HTR2C: variants seen among roughly 807,000 people sequenced by gnomAD.
HTR2C encodes 5-hydroxytryptamine (serotonin) receptor 2C, G protein-coupled.
HTR2C carries 5 observed loss-of-function variants against 21.0 expected under a neutral mutation model. The observed-to-expected ratio is 0.24, with a 90% confidence interval of 0.12 to 0.50. The LOEUF (loss-of-function observed/expected upper bound fraction) is 0.50. HTR2C is among the 20% of genes least tolerant of loss of function. The pLI, the probability that HTR2C is intolerant of heterozygous loss-of-function variation, is 0.98. For synonymous variants in HTR2C, 150 were observed against 145.3 expected (o/e 1.03, Z -0.23); for missense variants, 271 against 371.2 (o/e 0.73, Z 2.22).
intron 4 of HTR2C, among the ~76,000 whole-genome samples, chrX:114,802,491 A>AT (rs2070355612): frequency 9.0e-6 from 1 of 110,913 alleles, no homozygotes; most frequent in Non-Finnish European, 1.9e-5. Context: ...GAGTTTTACA[A>AT]TTTTTTCTCA....
At chrX:114,653,013 T>G (rs1930644114) in intron 2 of HTR2C, among the ~76,000 whole-genome samples, 1 of 108,105 alleles carries the variant, frequency 9.3e-6, no homozygotes, top group Non-Finnish European at 1.9e-5. Context: ...GTCAATAAAC[T>G]AAAACAAGAA....
chrX:114,670,394 C>CAAAAAAAAAAAA (rs35858180), intron 2 of HTR2C, among the ~76,000 whole-genome samples: 1 of 63,530 alleles, frequency 1.6e-5, no homozygotes, highest in African/African-American at 6.1e-5. Context: ...TACTCTGTCT[C>CAAAAAAAAAAAA]AAAAAAAAAA....
chrX:114,669,139 T>C (rs1167600263), intron 2 of HTR2C, among the ~76,000 whole-genome samples: 1 of 110,884 alleles, frequency 9.0e-6, no homozygotes, highest in African/African-American at 3.3e-5. Flanking sequence ...TCTTTTTCAT[T>C]GCATTTTCTA....
At chrX:114,853,513 A>G (rs1556469924) in intron 5 of HTR2C, among the ~76,000 whole-genome samples, 1 of 111,697 alleles carries the variant, frequency 9.0e-6, no homozygotes, top group African/African-American at 3.3e-5. Flanking sequence ...TTTGGAGTTT[A>G]TTCTTGTACG....
chrX:114,702,387 G>C (rs1311556348), intron 2 of HTR2C, among the ~76,000 whole-genome samples: 1 of 109,683 alleles, frequency 9.1e-6, no homozygotes, highest in African/African-American at 3.3e-5. Context: ...CAAGCCAGAA[G>C]AGAGTGGGGG....
intron 5 of HTR2C, among the ~76,000 whole-genome samples, chrX:114,902,221 G>A (rs952195764): frequency 2.1e-4 from 23 of 111,419 alleles, no homozygotes; most frequent in African/African-American, 6.5e-5. Context: ...TGATAATATC[G>A]CATGAATTAC....
intron 5 of HTR2C, among the ~76,000 whole-genome samples, chrX:114,895,226 C>A (rs933759900): frequency 9.0e-6 from 1 of 111,584 alleles, no homozygotes; most frequent in Non-Finnish European, 1.9e-5. Context: ...TGGAGTTATG[C>A]CATATTTAGA....
chrX:114,637,586 C>T (rs1215776944), intron 2 of HTR2C, among the ~76,000 whole-genome samples: 2 of 111,722 alleles, frequency 1.8e-5, no homozygotes, highest in Non-Finnish European at 3.8e-5. Context: ...TAAACCTCTA[C>T]TCATCGTGTA....
At chrX:114,855,746 CTTTTTTTTTTTTTTTTTTT>C (rs782183285) in intron 5 of HTR2C, among the ~76,000 whole-genome samples, 5 of 17,930 alleles carry the variant, frequency 2.8e-4, no homozygotes, top group South Asian at 8.3e-3. Flanking sequence ...AAGCAACCAT[CTTTTTTTTTTTTTTTTTTT>C]TTTTTTTTTT....
chrX:114,601,846 A>G (rs1465395993), intron 1 of HTR2C, among the ~76,000 whole-genome samples: 5 of 99,347 alleles, frequency 5.0e-5, no homozygotes, highest in African/African-American at 7.4e-5. Flanking sequence ...GGCTGCTTCA[A>G]GCAGGATTAG....
Position 114,695,396 on chromosome X carries a change from A to C in HTR2C, c.-79-31462A>C, listed in dbSNP as rs138492153. Among the ~76,000 whole-genome samples the C allele has an allele frequency of 6.8e-3, 755 of 111,801 alleles. 5 individuals carry two copies. The highest frequency in any genetic ancestry group is 0.023 in the Middle Eastern group (5 of 213). On this transcript the variant is annotated intron_variant, in intron 2 of 5. Coordinates refer to ENST00000276198, the MANE Select transcript of HTR2C (RefSeq NM_000868.4). ...GCATGAGTAGAGACAAGAAACAACA[A>C]ATAGGAAGAATGCTCTTTGGCTTTC...
intron 4 of HTR2C, among the ~76,000 whole-genome samples, chrX:114,734,089 G>A (rs906863100): frequency 9.0e-6 from 1 of 110,991 alleles, no homozygotes; most frequent in African/African-American, 3.3e-5. Context: ...AAAATTAACT[G>A]AATTCAGGAC....
intron 2 of HTR2C, among the ~76,000 whole-genome samples, chrX:114,676,793 A>C (rs1556412816): frequency 8.9e-6 from 1 of 112,069 alleles, no homozygotes; most frequent in Non-Finnish European, 1.9e-5. Context: ...TTAAATCTTT[A>C]GAAAACCATC....
In HTR2C at chrX:114,909,063, T is replaced by A. The variant is rs782511516; in HGVS notation, c.*1648T>A. 1 of 112,596 alleles carries A rather than the reference T, an allele frequency of 8.9e-6. No individual in the cohort carries two copies. Among genetic ancestry groups the A allele is most frequent in the East Asian group, 2.8e-4 (1 of 3,569 alleles). The allele number at this position is 112,596 out of a possible 1,213,427, so 9.3% of individuals were successfully genotyped here. ...CTGTGTTCTCAACACACAGTATAGA[T>A]AAATCCAATAGTCTGCCACAAGGGC... On this transcript the variant is annotated 3_prime_UTR_variant, in exon 6 of 6. Coordinates refer to ENST00000276198, the MANE Select transcript of HTR2C (RefSeq NM_000868.4).
chrX:114,655,847 T>G (rs1930761862), intron 2 of HTR2C, among the ~76,000 whole-genome samples: 1 of 111,545 alleles, frequency 9.0e-6, no homozygotes. Context: ...ACTTGCTGAA[T>G]CATGGCACAT....
At chrX:114,791,169 CATA>C (rs2070228554) in intron 4 of HTR2C, among the ~76,000 whole-genome samples, 1 of 112,699 alleles carries the variant, frequency 8.9e-6, no homozygotes, top group African/African-American at 3.2e-5. Flanking sequence ...TTACATAATA[CATA>C]ATAATAATTC....
intron 2 of HTR2C, among the ~76,000 whole-genome samples, chrX:114,644,550 C>T (rs1556407184): frequency 2.9e-5 from 3 of 103,334 alleles, no homozygotes; most frequent in African/African-American, 1.1e-4. Context: ...AATTTTTTCT[C>T]CTCATACTTA....
intron 1 of HTR2C, among the ~76,000 whole-genome samples, chrX:114,593,024 T>A (rs1927693666): frequency 9.0e-6 from 1 of 111,304 alleles, no homozygotes; most frequent in African/African-American, 3.3e-5. Context: ...AGATGTACGG[T>A]TTGATTGGAG....
intron 4 of HTR2C, among the ~76,000 whole-genome samples, chrX:114,744,614 G>C (rs1375438041): frequency 4.6e-5 from 5 of 109,657 alleles, no homozygotes; most frequent in Non-Finnish European, 9.5e-5. Flanking sequence ...CCTAATGCCC[G>C]GCTAATTTTT....
Sources: allele counts gnomAD v4.1 joint callset (sites outside exome capture counted in the v4.1 genomes callset), GRCh38; gene constraint gnomAD v4.1.1; transcripts MANE v1.5; gene names NCBI Gene and HGNC (gene_info 2026-07-23, HGNC 2026-07-21).